The following RHOBTB1 variants were observed in gnomAD, a reference collection of about 807,000 sequenced individuals.
RHOBTB1 encodes rho-related BTB domain-containing protein 1.
A neutral mutation model predicts 71.6 loss-of-function variants in RHOBTB1; 40 were observed. The ratio of observed to expected loss-of-function variants is 0.56; its 90% CI spans 0.43 to 0.73. The LOEUF (loss-of-function observed/expected upper bound fraction) is 0.73. Among genes scored for constraint, RHOBTB1 ranks in the 30% least tolerant of loss-of-function variants. RHOBTB1 has a pLI of 0.00. For missense variants in RHOBTB1, 797 were observed against 894.0 expected (o/e 0.89, Z 1.38); for synonymous variants, 319 against 334.9 (o/e 0.95, Z 0.52).
At position 60,955,091 on chromosome 10, in the gene RHOBTB1, C is replaced by A. The variant is rs1284506150; in HGVS notation, c.-61-13237G>T. On this transcript the variant is annotated intron_variant, in intron 2 of 11. Transcript: ENST00000357917. The stretch of plus-strand genomic sequence containing the variant: ...ATGTAGTCTTGTTCTGTTGCCCAGG[C>A]TGGAATGCAGTGGTGCCATCTCTGC... Among the ~76,000 whole-genome samples the A allele has an allele frequency of 5.5e-5, 8 of 145,326 alleles. 1 individual carries two copies. In the East Asian group the frequency reaches 1.6e-3, roughly 29 times the overall value.
chr10:60,945,927 C>T (rs2085210068), upstream of RHOBTB1, among the ~76,000 whole-genome samples: 1 of 152,294 alleles, frequency 6.6e-6, no homozygotes, highest in Non-Finnish European at 1.5e-5. Flanking sequence ...CGCCTGTAAT[C>T]CTAGCGCTTT....
At chr10:60,927,294 TTCAACTGAC>T (rs2083941364) in intron 2 of RHOBTB1, among the ~76,000 whole-genome samples, 1 of 152,186 alleles carries the variant, frequency 6.6e-6, no homozygotes, top group Admixed American at 6.5e-5. Context: ...AATCTACAGA[TTCAACTGAC>T]TCAAGTGTTA....
At chr10:60,917,021 C>T (rs1311232934) in intron 2 of RHOBTB1, among the ~76,000 whole-genome samples, 3 of 152,182 alleles carry the variant, frequency 2.0e-5, no homozygotes, top group African/African-American at 7.2e-5. Context: ...CAGATTCTCC[C>T]CTAAGGCCCC....
chr10:60,963,951 G>GA (rs551444776), intron 2 of RHOBTB1, among the ~76,000 whole-genome samples: 436 of 152,110 alleles, frequency 2.9e-3, no homozygotes, highest in Middle Eastern at 6.8e-3. Context: ...CAACTGAAGG[G>GA]AAAAAACCTT....
intron 2 of RHOBTB1, among the ~76,000 whole-genome samples, chr10:60,959,815 G>A (rs991654405): frequency 5.9e-5 from 9 of 152,166 alleles, no homozygotes; most frequent in African/African-American, 2.2e-4. Context: ...CCATCTAAGT[G>A]ATCTGTGCCT....
At chr10:60,920,303 G>A (rs1033772738) in intron 2 of RHOBTB1, among the ~76,000 whole-genome samples, 1 of 152,124 alleles carries the variant, frequency 6.6e-6, no homozygotes, top group African/African-American at 2.4e-5. Flanking sequence ...TCACAAATTT[G>A]GGGGGTCCTT....
In RHOBTB1 at chr10:60,886,190, G is replaced by C. The variant is rs760823262; in HGVS notation, c.1497C>G (p.His499Gln). The change falls in exon 7 of 11, where the codon CAC (histidine) becomes CAG (glutamine). Residue 499 changes from histidine to glutamine, a missense_variant. Physicochemically the swap from His to Gln is conservative, Grantham distance 24. Coordinates refer to ENST00000337910, the MANE Select transcript of RHOBTB1 (RefSeq NM_014836.5). ...CACAGCTACAGATCAGCAGCGGCTT[G>C]TGGGCACTGATGGCTCCATCGTCCA... ...FKLDDGAISA[H>Q]KPLLICSCEW... 6.2e-7 allele frequency: 1 copy of C among 1,614,070 alleles called. No homozygotes were observed. The highest frequency in any genetic ancestry group is 1.1e-5 in the South Asian group (1 of 91,078).
chr10:60,947,022 G>T (rs1010056536), upstream of RHOBTB1, among the ~76,000 whole-genome samples: 1 of 152,184 alleles, frequency 6.6e-6, no homozygotes, highest in African/African-American at 2.4e-5. Context: ...TTGCCACATG[G>T]TACTATGCAG....
chr10:60,899,969 T>A (rs2082335807), intron 4 of RHOBTB1, among the ~76,000 whole-genome samples: 1 of 151,740 alleles, frequency 6.6e-6, no homozygotes, highest in South Asian at 2.1e-4. Context: ...AGGGAGGGAA[T>A]CAGTATGCCA....
intron 2 of RHOBTB1, among the ~76,000 whole-genome samples, chr10:60,918,581 T>G (rs1325853541): frequency 6.6e-6 from 1 of 152,080 alleles, no homozygotes; most frequent in East Asian, 1.9e-4. Context: ...CCTCTAACAT[T>G]AGAAATTCAG....
intron 2 of RHOBTB1, among the ~76,000 whole-genome samples, chr10:60,972,055 A>T (rs2086176132): frequency 6.6e-6 from 1 of 152,158 alleles, no homozygotes; most frequent in Non-Finnish European, 1.5e-5. Context: ...GCTGGAGAGG[A>T]TGTGGAGAAA....
chr10:60,965,015 GA>G (rs2085909570), intron 2 of RHOBTB1, among the ~76,000 whole-genome samples: 1 of 152,168 alleles, frequency 6.6e-6, no homozygotes, highest in Non-Finnish European at 1.5e-5. Context: ...CTTTGGGAGA[GA>G]ATTTCACAAC....
intron 2 of RHOBTB1, among the ~76,000 whole-genome samples, chr10:60,975,378 A>G (rs1479566840): frequency 6.6e-6 from 1 of 152,076 alleles, no homozygotes; most frequent in Non-Finnish European, 1.5e-5. Flanking sequence ...ATTGTTGGAA[A>G]GACACTGCCT....
At position 60,914,463 on chromosome 10, in the gene RHOBTB1, A is replaced by AT. The variant is rs373991144; in HGVS notation, c.-10-2912dup. Among the ~76,000 whole-genome samples the AT allele has an allele frequency of 1.7e-3, 252 of 152,036 alleles. 1 individual carries two copies. Among genetic ancestry groups the AT allele is most frequent in the Non-Finnish European group, 2.9e-3 (199 of 67,984 alleles). Reference sequence around the variant, plus strand: ...GGAAACCTTACTCTTTTAAGGGTGAATTTTTTTTATTTATTTATTTTTGAT... The same window carrying AT: ...GGAAACCTTACTCTTTTAAGGGTGAATTTTTTTTTATTTATTTATTTTTGAT... On this transcript the variant is annotated intron_variant, in intron 2 of 10. Coordinates refer to ENST00000337910, the MANE Select transcript of RHOBTB1 (RefSeq NM_014836.5).
chr10:60,918,930 G>A (rs998944146), intron 2 of RHOBTB1, among the ~76,000 whole-genome samples: 7 of 152,106 alleles, frequency 4.6e-5, no homozygotes, highest in Non-Finnish European at 7.4e-5. Context: ...ATTTTTAGTA[G>A]AGATGGGGTT....
At chr10:60,879,890 G>A (rs1025036035) in intron 7 of RHOBTB1, among the ~76,000 whole-genome samples, 2 of 152,008 alleles carry the variant, frequency 1.3e-5, no homozygotes, top group African/African-American at 4.8e-5. Flanking sequence ...ACCAACTGTA[G>A]ATCAAAAATA....
chr10:60,914,458 G>A (rs573279563), intron 2 of RHOBTB1, among the ~76,000 whole-genome samples: 31 of 152,130 alleles, frequency 2.0e-4, no homozygotes, highest in African/African-American at 7.2e-4. Context: ...CTCTTTTAAG[G>A]GTGAATTTTT....
chr10:60,927,723 T>C (rs2083971373), intron 2 of RHOBTB1, among the ~76,000 whole-genome samples: 1 of 152,074 alleles, frequency 6.6e-6, no homozygotes, highest in African/African-American at 2.4e-5. Flanking sequence ...TCAAAATAGA[T>C]TAAATACTTA....
chr10:60,862,097 C>G, the RHOBTB1 span, among the ~76,000 whole-genome samples: 1 of 151,080 alleles, frequency 6.6e-6, no homozygotes, highest in African/African-American at 2.4e-5. Context: ...CCTTCTTTCC[C>G]TTCTTCCTTC....
Sources: allele counts gnomAD v4.1 joint callset (sites outside exome capture counted in the v4.1 genomes callset), GRCh38; gene constraint gnomAD v4.1.1; transcripts MANE v1.5; gene names NCBI Gene and HGNC (gene_info 2026-07-23, HGNC 2026-07-21).